ZER1: variants seen among roughly 807,000 people sequenced by gnomAD.
ZER1 encodes the protein zyg-11 related cell cycle regulator.
Under a neutral mutation model 78.8 loss-of-function variants are expected in ZER1, and 11 were observed. The ratio of observed to expected loss-of-function variants is 0.14; its 90% CI spans 0.09 to 0.23. The LOEUF is 0.23. Ranked by LOEUF, ZER1 falls within the 10% of genes least tolerant of loss-of-function variation. ZER1 has a pLI of 1.00. For missense variants in ZER1, 588 were observed against 996.9 expected (o/e 0.59, Z 5.52); for synonymous variants, 400 against 407.0 (o/e 0.98, Z 0.21).
Position 128,754,750 on chromosome 9 carries a change from CT to C in ZER1, c.158+657del, listed in dbSNP as rs1564404886. Among the ~76,000 whole-genome samples the C allele has an allele frequency of 6.7e-6, 1 of 150,316 alleles. No homozygotes were observed. ...TGTCACCCAGGCTGATCTTGAATTT[CT>C]GGTCTCAAGTGATCCTCCTGTCTTG... is the stretch of plus-strand genomic sequence containing the variant. On this transcript the variant is annotated intron_variant, in intron 2 of 15. Coordinates refer to ENST00000291900, the MANE Select transcript of ZER1 (RefSeq NM_006336.4). This position sits in a 1 kb window ranked among gnomAD's most constrained non-coding sequence, Gnocchi z 4.3.
intron 1 of ZER1, among the ~76,000 whole-genome samples, chr9:128,766,960 G>C (rs1471452254): frequency 8.8e-6 from 1 of 113,966 alleles, no homozygotes; most frequent in Non-Finnish European, 1.8e-5. Flanking sequence ...TTTTTTTTTT[G>C]AGATGGAATT....
At chr9:128,760,582 T>A (rs1864009908) in intron 1 of ZER1, among the ~76,000 whole-genome samples, 1 of 152,040 alleles carries the variant, frequency 6.6e-6, no homozygotes, top group African/African-American at 2.4e-5. Flanking sequence ...ACTGTAAAAT[T>A]ACTTAACCTC....
rs1424101118 is a variant in ZER1 at position 128,734,162 on chromosome 9, T to TATATAA, written c.2141-635_2141-634insTTATAT. ...AAAAAAAAATATATATATATATATA[T>TATATAA]AAAATCTTAAAAAAAATATATATAT... is the stretch of plus-strand genomic sequence containing the variant. On this transcript the variant is annotated intron_variant, in intron 14 of 15. Coordinates refer to ENST00000291900, the MANE Select transcript of ZER1 (RefSeq NM_006336.4). Among the ~76,000 whole-genome samples the TATATAA allele has an allele frequency of 3.6e-3, 231 of 63,444 alleles. 4 individuals carry two copies. The highest frequency in any genetic ancestry group is 9.5e-3 in the African/African-American group (216 of 22,634). 41.6% of individuals were successfully genotyped at this position (63,444 alleles called of 152,430 possible).
chr9:128,738,600 T>C (rs1445084915), intron 13 of ZER1, among the ~76,000 whole-genome samples: 2 of 150,606 alleles, frequency 1.3e-5, no homozygotes, highest in African/African-American at 4.9e-5. Context: ...TTAGCCAAGA[T>C]GGTCTCGATT....
chr9:128,753,931 T>C lies in ZER1; in HGVS notation c.187A>G (p.Asn63Asp). ...AAGAAGCTCTCGTGTGGCTCGAAGT[T>C]ACAGGCAGCGTTCACCAGCTCCACA... Reference protein sequence around the residue: ...EYVELVNAACNFEPHESFFSL... With the variant: ...EYVELVNAACDFEPHESFFSL... Residue 63 changes from asparagine (N) to aspartate (D), a missense_variant, in exon 3 of 16, where the codon AAC becomes GAC. Physicochemically the swap from Asn to Asp is conservative, Grantham distance 23. Around this residue, in one of 3 missense-constraint regions of ZER1, gnomAD observed 406 missense variants for 660.1 expected, o/e 0.62. Transcript: ENST00000291900. The surrounding 1 kb of genome is among the most constrained non-coding windows in gnomAD (Gnocchi z 7.5). 6.3e-7 allele frequency: 1 copy of C among 1,591,002 alleles called. No individual in the cohort carries two copies. Among genetic ancestry groups the C allele is most frequent in the Non-Finnish European group, 8.6e-7 (1 of 1,169,540 alleles).
intron 1 of ZER1, among the ~76,000 whole-genome samples, chr9:128,762,957 G>A (rs1002095454): frequency 6.6e-6 from 1 of 152,158 alleles, no homozygotes; most frequent in African/African-American, 2.4e-5. Context: ...CAAGCCCACC[G>A]GAATTACAGC....
chr9:128,741,856 AAG>A lies in ZER1; in HGVS notation c.1576-17_1576-16del. 1.9e-6 allele frequency: 3 copies of A among 1,614,198 alleles called. No homozygotes were observed. Among genetic ancestry groups the A allele is most frequent in the Non-Finnish European group, 2.5e-6 (3 of 1,180,024 alleles). ...TTCAGCATGGTCTGCAGGCAGGGAC[AAG>A]AGTCTGCTAGAGTGCTGGGGCTGAA... On this transcript the variant is annotated splice_polypyrimidine_tract_variant and intron_variant, in intron 9 of 15. Coordinates refer to ENST00000291900, the MANE Select transcript of ZER1 (RefSeq NM_006336.4).
rs976168144 is a variant in ZER1, at chr9:128,731,142, C to CA, written c.*194dup. Reference sequence around the variant, plus strand: ...CACACAAAACTTCACACTTCCTAACCAAAAAAAAAATATATATATATAATA... The same window carrying CA: ...CACACAAAACTTCACACTTCCTAACCAAAAAAAAAAATATATATATATAATA... On this transcript the variant is annotated 3_prime_UTR_variant, in exon 16 of 16. Transcript: ENST00000291900. 858 of 218,788 alleles carry CA rather than the reference C, an allele frequency of 3.9e-3. 1 individual carries two copies. Among genetic ancestry groups the CA allele is most frequent in the Middle Eastern group, 6.4e-3 (4 of 622 alleles). 13.6% of individuals were successfully genotyped at this position (218,788 alleles called of 1,614,324 possible). A position where few individuals can be genotyped will look rare whatever the true frequency, so the allele number is the denominator to read the frequency against.
chr9:128,748,740 T>C (rs946680367), intron 8 of ZER1, among the ~76,000 whole-genome samples: 6 of 150,586 alleles, frequency 4.0e-5, no homozygotes, highest in Admixed American at 2.6e-4. Context: ...CCCAGCTAAT[T>C]TGTGTATTTT....
intron 13 of ZER1, among the ~76,000 whole-genome samples, chr9:128,738,913 G>A (rs530277949): frequency 1.1e-4 from 16 of 142,620 alleles, no homozygotes; most frequent in African/African-American, 3.7e-4. Context: ...ATGCAGTGGC[G>A]CCATCTCGGT....
chr9:128,738,343 C>T (rs914383207), intron 13 of ZER1, among the ~76,000 whole-genome samples: 1 of 141,844 alleles, frequency 7.1e-6, no homozygotes, highest in Non-Finnish European at 1.5e-5. Flanking sequence ...TGTGCCCGGC[C>T]CTGTTTTGTT....
At chr9:128,768,508 ACT>A (rs745661956) in intron 1 of ZER1, among the ~76,000 whole-genome samples, 3 of 152,074 alleles carry the variant, frequency 2.0e-5, no homozygotes, top group Non-Finnish European at 4.4e-5. Flanking sequence ...AACCTGCCTA[ACT>A]CACACAGCAA....
At chr9:128,759,154 G>A (rs1433953148) in intron 1 of ZER1, among the ~76,000 whole-genome samples, 1 of 150,548 alleles carries the variant, frequency 6.6e-6, no homozygotes, top group African/African-American at 2.4e-5. Context: ...GGGCCACCGC[G>A]CCCAGCCAGT....
At chr9:128,760,934 C>T (rs143472451) in intron 1 of ZER1, among the ~76,000 whole-genome samples, 3,168 of 151,932 alleles carry the variant, frequency 0.021, 115 homozygotes, top group African/African-American at 0.073. Context: ...CCGAGGCAGG[C>T]GAATCATGAG....
chr9:128,769,153 A>T (rs1864307266), intron 1 of ZER1, among the ~76,000 whole-genome samples: 1 of 152,174 alleles, frequency 6.6e-6, no homozygotes, highest in Non-Finnish European at 1.5e-5. Flanking sequence ...AGGGGTGTCA[A>T]GAAGTTTCTG....
chr9:128,755,281 G>A lies in ZER1; in HGVS notation c.158+127C>T. 3 of 1,313,814 alleles carry A rather than the reference G, an allele frequency of 2.3e-6. No homozygotes were observed. The highest frequency in any genetic ancestry group is 3.2e-6 in the Non-Finnish European group (3 of 932,890). 81.4% of individuals were successfully genotyped at this position (1,313,814 alleles called of 1,614,324 possible). A position where few individuals can be genotyped will look rare whatever the true frequency, so the allele number is the denominator to read the frequency against. On this transcript the variant is annotated intron_variant, in intron 2 of 15. Transcript: ENST00000291900. The surrounding 1 kb of genome is among the most constrained non-coding windows in gnomAD (Gnocchi z 5.6). ...CTCTTGCAGCCATGAACATCCATGT[G>A]CACACACACACACCCTCACACATTC...
Position 128,753,980 on chromosome 9 carries a change from G to A in ZER1, c.159-21C>T. ...CATACCTGGGAGAGAAAAAAGCCTG[G>A]CTCAGGAGAGGGCCACAGGGACTCT... On this transcript the variant is annotated intron_variant, in intron 2 of 15. Coordinates refer to ENST00000291900, the MANE Select transcript of ZER1 (RefSeq NM_006336.4). The surrounding 1 kb of genome is among the most constrained non-coding windows in gnomAD (Gnocchi z 7.5). 6.4e-7 allele frequency: 1 copy of A among 1,572,010 alleles called. No homozygotes were observed. The highest frequency in any genetic ancestry group is 8.6e-7 in the Non-Finnish European group (1 of 1,158,910).
chr9:128,742,525 C>T lies in ZER1; in HGVS notation c.1575+5G>A, dbSNP rs1863337372. 2 of 1,613,536 alleles carry T rather than the reference C, an allele frequency of 1.2e-6. No individual in the cohort carries two copies. The highest frequency in any genetic ancestry group is 1.3e-5 in the African/African-American group (1 of 74,934). ...GAGGAAGGGGGCAGCGCCCCCCACACGTACCACGACAAAGCCCATCTTGCC... is the reference window on the plus strand; with the variant it reads ...GAGGAAGGGGGCAGCGCCCCCCACATGTACCACGACAAAGCCCATCTTGCC... On this transcript the variant is annotated splice_donor_5th_base_variant and intron_variant, in intron 9 of 15. Transcript: ENST00000291900.
chr9:128,741,242 C>G lies in ZER1; in HGVS notation c.1737+293G>C, dbSNP rs567366253. Among the ~76,000 whole-genome samples the G allele has an allele frequency of 5.9e-5, 9 of 152,232 alleles. 1 individual carries two copies. Among genetic ancestry groups the G allele is most frequent in the Admixed American group, 4.6e-4 (7 of 15,284 alleles). ...GGATGAACAGACCCGCTGTCCAGCT[C>G]GTAGCGTAGTGGGCTCTGGCCAGCT... is the stretch of plus-strand genomic sequence containing the variant. On this transcript the variant is annotated intron_variant, in intron 11 of 15. Coordinates refer to ENST00000291900, the MANE Select transcript of ZER1 (RefSeq NM_006336.4).
Sources: allele counts gnomAD v4.1 joint callset (sites outside exome capture counted in the v4.1 genomes callset), GRCh38; gene constraint gnomAD v4.1.1; regional missense constraint gnomAD v4.1.1; non-coding constraint Gnocchi (gnomAD v3.1); transcripts MANE v1.5; gene names NCBI Gene and HGNC (gene_info 2026-07-23, HGNC 2026-07-21).